SRD5A2: variants seen among roughly 807,000 people sequenced by gnomAD.
SRD5A2 encodes the protein 3-oxo-5-alpha-steroid 4-dehydrogenase 2.
Under a neutral mutation model 27.4 loss-of-function variants are expected in SRD5A2, and 30 were observed. That is an observed-to-expected ratio of 1.10 (90% CI 0.82 to 1.49). The LOEUF (loss-of-function observed/expected upper bound fraction) is 1.49, where lower values mean the gene tolerates loss of function less well. SRD5A2 is among the 40% of genes most tolerant of loss of function. The pLI is 0.00. For synonymous variants in SRD5A2, 141 were observed against 133.6 expected, an observed-to-expected ratio of 1.06 and a Z score of -0.38; for missense variants, 348 against 323.4, an observed-to-expected ratio of 1.08 and a Z score of -0.58.
chr2:31,655,062 G>A, the SRD5A2 span, among the ~76,000 whole-genome samples: 1 of 152,014 alleles, frequency 6.6e-6, no homozygotes, highest in Non-Finnish European at 1.5e-5. Flanking sequence ...AGAGAACAAA[G>A]CTTGTACTAG....
At chr2:31,584,048 A>G (rs1314645559), upstream of SRD5A2, among the ~76,000 whole-genome samples, 1 of 152,128 alleles carries the variant, frequency 6.6e-6, no homozygotes, top group Admixed American at 6.5e-5. Context: ...CTTTTCTGTT[A>G]CCTGGACCTG....
At chr2:31,614,217 T>C in the SRD5A2 span, among the ~76,000 whole-genome samples, 1 of 152,194 alleles carries the variant, frequency 6.6e-6, no homozygotes, top group African/African-American at 2.4e-5. Flanking sequence ...AGTTAGTTAC[T>C]TCCTAGATAC....
upstream of SRD5A2, among the ~76,000 whole-genome samples, chr2:31,584,906 T>C (rs1667149916): frequency 6.6e-6 from 1 of 152,250 alleles, no homozygotes; most frequent in Non-Finnish European, 1.5e-5. Flanking sequence ...CTGAAAAGGT[T>C]GCAGAAGGAG....
the SRD5A2 span, among the ~76,000 whole-genome samples, chr2:31,610,681 A>C: frequency 3.9e-5 from 6 of 152,350 alleles, no homozygotes; most frequent in African/African-American, 1.4e-4. Flanking sequence ...CACACAGAAA[A>C]AGAAAAAGTA....
At chr2:31,607,279 T>C in the SRD5A2 span, among the ~76,000 whole-genome samples, 2 of 151,864 alleles carry the variant, frequency 1.3e-5, no homozygotes, top group South Asian at 2.1e-4. Flanking sequence ...AAGGCAAAAG[T>C]TTACAGATTC....
chr2:31,579,030 C>A (rs2148105374), intron 1 of SRD5A2, among the ~76,000 whole-genome samples: 1 of 152,334 alleles, frequency 6.6e-6, no homozygotes, highest in Non-Finnish European at 1.5e-5. Flanking sequence ...AAAAACTAAT[C>A]TCTTATCTCC....
the SRD5A2 span, among the ~76,000 whole-genome samples, chr2:31,623,498 G>A: frequency 6.6e-6 from 1 of 152,060 alleles, no homozygotes; most frequent in Non-Finnish European, 1.5e-5. Flanking sequence ...AGGTGTTGAG[G>A]TCATTTGGAG....
chr2:31,549,081 AATTATTATTATTATTATT>A (rs71405576), intron 1 of SRD5A2, among the ~76,000 whole-genome samples: 56 of 131,378 alleles, frequency 4.3e-4, no homozygotes, highest in African/African-American at 1.6e-3. Flanking sequence ...AAGTAGAGGG[AATTATTATTATTATTATT>A]ATTATTATTA....
chr2:31,571,358 C>G (rs982293836), intron 1 of SRD5A2, among the ~76,000 whole-genome samples: 1 of 152,118 alleles, frequency 6.6e-6, no homozygotes, highest in Non-Finnish European at 1.5e-5. Flanking sequence ...ACACCACATA[C>G]AAAAATCAAC....
intron 1 of SRD5A2, among the ~76,000 whole-genome samples, chr2:31,558,016 G>A (rs191429615): frequency 3.9e-5 from 6 of 152,264 alleles, no homozygotes; most frequent in South Asian, 2.1e-4. Context: ...CAAATCTGCC[G>A]ATAATACCAA....
rs1220530425 is a variant in SRD5A2 at position 31,547,191 on chromosome 2, T to A, written c.282-13425A>T. Among the ~76,000 whole-genome samples the A allele has an allele frequency of 5.9e-5, 9 of 152,274 alleles. No homozygotes were observed. The South Asian group carries it at 1.9e-3, about 32-fold the overall frequency. ...CAATACAGAGTCCAGAAATAAACCC[T>A]AATATATATGGTTAAATGATTTTTG... On this transcript the variant is annotated intron_variant, in intron 1 of 4. Coordinates refer to ENST00000622030, the MANE Select transcript of SRD5A2 (RefSeq NM_000348.4).
rs141867427 is a variant in SRD5A2, at chr2:31,565,203, T to C, written c.281+15417A>G. On this transcript the variant is annotated intron_variant, in intron 1 of 4. Transcript: ENST00000622030. The stretch of plus-strand genomic sequence containing the variant: ...TTTAAGCAAATTAACAAAAGAGTTA[T>C]AATGAATAAACTGACAATATAAATT... Among the ~76,000 whole-genome samples, 497 of 151,942 alleles carry C rather than the reference T, an allele frequency of 3.3e-3. 4 individuals are homozygous for C. The highest frequency in any genetic ancestry group is 0.031 in the Middle Eastern group (9 of 294).
chr2:31,618,535 G>T, the SRD5A2 span, among the ~76,000 whole-genome samples: 1 of 151,986 alleles, frequency 6.6e-6, no homozygotes, highest in East Asian at 1.9e-4. Context: ...CAACATGGAT[G>T]GTACAGGAAG....
intron 1 of SRD5A2, among the ~76,000 whole-genome samples, chr2:31,564,735 G>A (rs920328785): frequency 7.2e-5 from 11 of 151,934 alleles, no homozygotes; most frequent in Non-Finnish European, 1.6e-4. Context: ...AGACGACAGT[G>A]AAACATCTTT....
At chr2:31,626,871 A>C in the SRD5A2 span, among the ~76,000 whole-genome samples, 1 of 152,192 alleles carries the variant, frequency 6.6e-6, no homozygotes, top group South Asian at 2.1e-4. Flanking sequence ...TGCTTGCCTC[A>C]TAAAATGAGT....
chr2:31,625,909 T>C, the SRD5A2 span, among the ~76,000 whole-genome samples: 2 of 152,206 alleles, frequency 1.3e-5, no homozygotes, highest in Admixed American at 1.3e-4. Flanking sequence ...AAGTCATTGG[T>C]AGCTTGATGG....
At chr2:31,622,738 T>C in the SRD5A2 span, among the ~76,000 whole-genome samples, 1 of 152,066 alleles carries the variant, frequency 6.6e-6, no homozygotes. Context: ...CCATGAACTT[T>C]TTTTGGTATA....
At chr2:31,631,911 A>G in the SRD5A2 span, among the ~76,000 whole-genome samples, 13 of 152,182 alleles carry the variant, frequency 8.5e-5, no homozygotes, top group Non-Finnish European at 1.6e-4. Flanking sequence ...GCGTGGTAGA[A>G]GGACTAAGGA....
intron 1 of SRD5A2, among the ~76,000 whole-genome samples, chr2:31,549,939 C>A (rs557646660): frequency 6.6e-6 from 1 of 152,234 alleles, no homozygotes; most frequent in East Asian, 1.9e-4. Flanking sequence ...CAGCAGAATG[C>A]ACATTCTTTT....
Sources: gnomAD v4.1 joint callset for allele counts (sites outside exome capture counted in the v4.1 genomes callset) on GRCh38, gnomAD v4.1.1 for gene constraint, MANE v1.5 for transcripts, NCBI Gene and HGNC (gene_info 2026-07-23, HGNC 2026-07-21) for gene names.